DLGAP2: variants seen among roughly 807,000 people sequenced by gnomAD.
DLGAP2 encodes DLG associated protein 2.
A neutral mutation model predicts 100.3 loss-of-function variants in DLGAP2; 26 were observed. That is an observed-to-expected ratio of 0.26 (90% CI 0.19 to 0.36). The LOEUF (loss-of-function observed/expected upper bound fraction) is 0.36. Among genes scored for constraint, DLGAP2 ranks in the 10% least tolerant of loss-of-function variants. The probability of loss-of-function intolerance (pLI) is 1.00; values close to 1 mark genes in which losing one functional copy is unlikely to be tolerated. For missense variants in DLGAP2, 1,858 were observed against 1,453.2 expected (o/e 1.28, Z -4.53); for synonymous variants, 886 against 630.1 (o/e 1.41, Z -6.08).
intron 5 of DLGAP2, among the ~76,000 whole-genome samples, chr8:1,553,702 C>A (rs1284462218): frequency 1.3e-5 from 2 of 152,132 alleles, no homozygotes; most frequent in Non-Finnish European, 2.9e-5. Context: ...ACTGACCTTT[C>A]CTTGCAGCCA....
At position 981,065 on chromosome 8, in the gene DLGAP2, G is replaced by T. The variant is rs114011850; in HGVS notation, c.73+73099G>T. ...GCCACATAGAAACTCTATCCCTGGT[G>T]AAGACTGGCTTCCTGTCCCCTGCCC... On this transcript the variant is annotated intron_variant, in intron 2 of 14. Coordinates refer to ENST00000637795, the MANE Select transcript of DLGAP2 (RefSeq NM_001346810.2). 8.0e-3 allele frequency among the ~76,000 whole-genome samples: 1,222 copies of T among 152,224 alleles called. 27 individuals carry two copies. The highest frequency in any genetic ancestry group is 0.027 in the African/African-American group (1,134 of 41,524).
At chr8:867,106 C>T (rs527551556) in intron 1 of DLGAP2, among the ~76,000 whole-genome samples, 9 of 152,350 alleles carry the variant, frequency 5.9e-5, no homozygotes, top group East Asian at 5.8e-4. Flanking sequence ...TGCCGCCTAC[C>T]GGCCGTCACC....
chr8:1,173,177 C>T (rs900288282), intron 2 of DLGAP2, among the ~76,000 whole-genome samples: 12 of 152,158 alleles, frequency 7.9e-5, no homozygotes, highest in Admixed American at 6.5e-4. Context: ...GTATCGGCAG[C>T]GGTGTCCGCA....
intron 3 of DLGAP2, among the ~76,000 whole-genome samples, chr8:1,259,207 G>A (rs1799291718): frequency 6.6e-6 from 1 of 152,194 alleles, no homozygotes; most frequent in South Asian, 2.1e-4. Flanking sequence ...GGCTTTAAGT[G>A]CATTCGCCCA....
At chr8:1,238,937 G>C (rs1404854253) in intron 2 of DLGAP2, among the ~76,000 whole-genome samples, 2 of 1,624 alleles carry the variant, frequency 1.2e-3, no homozygotes, top group African/African-American at 5.3e-3. Flanking sequence ...CTAGTTCTCT[G>C]CCACATGGCG....
chr8:1,372,564 C>G (rs1271781925), intron 3 of DLGAP2, among the ~76,000 whole-genome samples: 1 of 152,136 alleles, frequency 6.6e-6, no homozygotes, highest in East Asian at 1.9e-4. Flanking sequence ...GCATCACTGG[C>G]TGCTGCCTGC....
At chr8:1,112,457 G>T (rs1170711686) in intron 2 of DLGAP2, among the ~76,000 whole-genome samples, 1 of 152,040 alleles carries the variant, frequency 6.6e-6, no homozygotes, top group African/African-American at 2.4e-5. Context: ...AGCCAGGATG[G>T]TCTCGATCTC....
intron 3 of DLGAP2, among the ~76,000 whole-genome samples, chr8:1,381,733 T>G (rs1274741393): frequency 1.3e-5 from 2 of 151,720 alleles, no homozygotes; most frequent in African/African-American, 4.8e-5. Context: ...TCCATCGCGT[T>G]GCCGTGAATG....
At chr8:754,702 G>A (rs1820879647) in intron 1 of DLGAP2, among the ~76,000 whole-genome samples, 1 of 152,104 alleles carries the variant, frequency 6.6e-6, no homozygotes, top group East Asian at 1.9e-4. Flanking sequence ...AATTAGCCAG[G>A]CATGGTGGTG....
intron 3 of DLGAP2, among the ~76,000 whole-genome samples, chr8:1,417,632 C>T (rs564828514): frequency 1.3e-5 from 2 of 148,400 alleles, no homozygotes; most frequent in East Asian, 2.1e-4. Context: ...TGGCCGCCTC[C>T]AGGGGGGCAC....
At chr8:1,368,184 G>T (rs974812485) in intron 3 of DLGAP2, among the ~76,000 whole-genome samples, 1 of 152,112 alleles carries the variant, frequency 6.6e-6, no homozygotes, top group African/African-American at 2.4e-5. Context: ...GTGTGTGTAT[G>T]TGCACGTGTG....
At chr8:1,328,073 T>C (rs911791696) in intron 3 of DLGAP2, among the ~76,000 whole-genome samples, 9 of 151,996 alleles carry the variant, frequency 5.9e-5, no homozygotes, top group African/African-American at 2.2e-4. Flanking sequence ...AGAGTCTCAC[T>C]CTGTCTCCCA....
intron 3 of DLGAP2, among the ~76,000 whole-genome samples, chr8:1,455,996 G>C (rs1441916348): frequency 1.3e-5 from 2 of 152,186 alleles, no homozygotes; most frequent in Non-Finnish European, 2.9e-5. Flanking sequence ...AAAAAGACCT[G>C]ATGCCCCATG....
intron 2 of DLGAP2, among the ~76,000 whole-genome samples, chr8:999,631 A>G (rs1463544352): frequency 1.3e-5 from 2 of 151,942 alleles, no homozygotes; most frequent in African/African-American, 2.4e-5. Context: ...GGCGCCTGCC[A>G]TCATGCCTGG....
chr8:1,433,900 C>A (rs1797536919), intron 3 of DLGAP2, among the ~76,000 whole-genome samples: 1 of 152,106 alleles, frequency 6.6e-6, no homozygotes, highest in African/African-American at 2.4e-5. Flanking sequence ...TCCATGGTCC[C>A]TGGGGTCCTT....
At chr8:1,219,372 G>C (rs756844151) in intron 2 of DLGAP2, among the ~76,000 whole-genome samples, 1 of 152,112 alleles carries the variant, frequency 6.6e-6, no homozygotes, top group Non-Finnish European at 1.5e-5. Flanking sequence ...CTATTAAGAT[G>C]ATCATGTAGT....
intron 3 of DLGAP2, among the ~76,000 whole-genome samples, chr8:1,476,352 A>G (rs904376916): frequency 6.6e-6 from 1 of 152,202 alleles, no homozygotes; most frequent in African/African-American, 2.4e-5. Context: ...CCTGCAGCAC[A>G]TTCTCGGCTG....
At chr8:933,059 C>G (rs917851114) in intron 2 of DLGAP2, among the ~76,000 whole-genome samples, 1 of 152,226 alleles carries the variant, frequency 6.6e-6, no homozygotes, top group Non-Finnish European at 1.5e-5. Context: ...CCTATGGACT[C>G]GTCTATAAGC....
intron 3 of DLGAP2, among the ~76,000 whole-genome samples, chr8:1,477,630 C>G (rs1006119518): frequency 2.6e-5 from 4 of 152,190 alleles, no homozygotes; most frequent in Non-Finnish European, 2.9e-5. Flanking sequence ...TGATAAACAG[C>G]CTCCTTCTGC....
Sources: allele counts gnomAD v4.1 joint callset (sites outside exome capture counted in the v4.1 genomes callset), GRCh38; gene constraint gnomAD v4.1.1; transcripts MANE v1.5; gene names NCBI Gene and HGNC (gene_info 2026-07-23, HGNC 2026-07-21).